Variants in DNAH5 observed in about 807,000 individuals in gnomAD.
The protein encoded by DNAH5 is axonemal beta dynein heavy chain 5.
A neutral mutation model predicts 518.2 loss-of-function variants in DNAH5; 372 were observed. The ratio of observed to expected loss-of-function variants is 0.72; its 90% CI spans 0.66 to 0.78. DNAH5 has a LOEUF of 0.78. DNAH5 is among the 30% of genes least tolerant of loss of function. The pLI is 0.00. For synonymous variants in DNAH5, 2,039 were observed against 2,025.9 expected (o/e 1.01, Z -0.17); for missense variants, 5,523 against 5,687.0 (o/e 0.97, Z 0.93).
In DNAH5 at chr5:13,754,356, C is replaced by T. The variant is rs771330498; in HGVS notation, c.10420-18G>A. 4.3e-6 allele frequency: 7 copies of T among 1,613,980 alleles called. No individual in the cohort carries two copies. The South Asian group carries it at 7.7e-5, about 18-fold the overall frequency. The stretch of plus-strand genomic sequence containing the variant: ...AGCAAGGTCTAACAAAGGTCATAAT[C>T]ACAAGAAAGCTTTTACTGAAATAAA... On this transcript the variant is annotated intron_variant, in intron 61 of 78. Transcript: ENST00000265104.
chr5:13,759,922 G>C (rs1235308363), intron 60 of DNAH5, among the ~76,000 whole-genome samples: 1 of 152,036 alleles, frequency 6.6e-6, no homozygotes, highest in Non-Finnish European at 1.5e-5. Context: ...CAAAACTTCA[G>C]GCTTCCAAAT....
intron 1 of DNAH5, among the ~76,000 whole-genome samples, chr5:13,955,850 G>A (rs1170661002): frequency 6.6e-6 from 1 of 152,138 alleles, no homozygotes; most frequent in Non-Finnish European, 1.5e-5. Flanking sequence ...CTCTGGTAGA[G>A]ATTAAACCTT....
chr5:13,914,452 A>C (rs1337798780), intron 10 of DNAH5, 68 bp downstream of exon 10: 56 of 1,532,328 alleles, frequency 3.7e-5, no homozygotes, highest in Non-Finnish European at 4.9e-5. Context: ...TTACAAAATG[A>C]TTTAAGATGG....
intron 1 of DNAH5, among the ~76,000 whole-genome samples, chr5:13,933,500 C>A (rs1778619146): frequency 6.6e-6 from 1 of 152,054 alleles, no homozygotes; most frequent in Non-Finnish European, 1.5e-5. Flanking sequence ...ATAAAGAAAG[C>A]TAAGGATGAG....
chr5:13,985,428 AAAATATATATAT>A (rs1389487505), intron 1 of DNAH5, among the ~76,000 whole-genome samples: 14 of 55,364 alleles, frequency 2.5e-4, no homozygotes, highest in East Asian at 1.0e-3. Flanking sequence ...AAAGTATAAT[AAAATATATATAT>A]ATATATATAT....
chr5:13,765,765 T>TATACA (rs1398566264), intron 59 of DNAH5, among the ~76,000 whole-genome samples: 1 of 152,214 alleles, frequency 6.6e-6, no homozygotes, highest in Non-Finnish European at 1.5e-5. Context: ...TTTATTGAAG[T>TATACA]ATACATAACA....
chr5:13,708,794 T>TC (rs1355102125), intron 75 of DNAH5, among the ~76,000 whole-genome samples: 1 of 152,116 alleles, frequency 6.6e-6, no homozygotes, highest in African/African-American at 2.4e-5. Context: ...CATCCATCCA[T>TC]CCCCCCAACC....
rs557120654 is a variant in DNAH5, at chr5:13,712,641, C to T, written c.13125+1764G>A. Among the ~76,000 whole-genome samples the T allele has an allele frequency of 7.2e-5, 11 of 152,048 alleles. No homozygotes were observed. In the South Asian group the frequency reaches 2.1e-3, roughly 29 times the overall value. On this transcript the variant is annotated intron_variant, in intron 75 of 78. Transcript: ENST00000265104. Reference sequence around the variant, plus strand: ...ATCAGTAAGAAAAAAACAAACAATCCCATCCAAAAGTGGGCTAAGCATATG... The same window carrying T: ...ATCAGTAAGAAAAAAACAAACAATCTCATCCAAAAGTGGGCTAAGCATATG...
intron 18 of DNAH5, 93 bp downstream of exon 18, chr5:13,885,871 A>C (rs1181089252): frequency 1.7e-6 from 2 of 1,150,700 alleles, no homozygotes; most frequent in Non-Finnish European, 2.6e-6. Flanking sequence ...ATGTTTATAG[A>C]AGTATGAAAT....
chr5:13,994,365 G>C (rs895157305), intron 1 of DNAH5, among the ~76,000 whole-genome samples: 13 of 152,274 alleles, frequency 8.5e-5, no homozygotes, highest in African/African-American at 3.1e-4. Flanking sequence ...TGACCTAGAA[G>C]AGTACGATCA....
intron 1 of DNAH5, among the ~76,000 whole-genome samples, chr5:14,003,111 T>C (rs1198425089): frequency 6.6e-6 from 1 of 152,232 alleles, no homozygotes. Flanking sequence ...ATAATAGAAA[T>C]ACATCATTCT....
rs775939948 is a variant in DNAH5 at position 13,901,534 on chromosome 5, T to C, written c.1770A>G (p.Gln590=). 5 of 1,613,596 alleles carry C rather than the reference T, an allele frequency of 3.1e-6. No homozygotes were observed. The highest frequency in any genetic ancestry group is 4.2e-6 in the Non-Finnish European group (5 of 1,179,900). The change falls in exon 14 of 79, where the codon CAA becomes CAG. Residue 590 remains glutamine (Q), a synonymous_variant. Transcript: ENST00000265104. ...IPNLGIDDKY[Q]LILENYGADI... is the part of the protein sequence containing the mutation. ...CAGCCCCATAGTTCTCAAGGATAAG[T>C]TGATATTTGTCATCAATACCAAGAT...
chr5:13,731,414 C>T (rs771221789), intron 68 of DNAH5, among the ~76,000 whole-genome samples: 5 of 151,972 alleles, frequency 3.3e-5, no homozygotes, highest in Non-Finnish European at 5.9e-5. Flanking sequence ...GTGTTCCTCG[C>T]GGGCCAGAGT....
rs1358311606 is a variant in DNAH5, at chr5:13,814,643, T to G, written c.7192A>C (p.Met2398Leu). Reference protein sequence around the residue: ...ATVSRNGMVFMSSSILDWSPI... With the variant: ...ATVSRNGMVFLSSSILDWSPI... ...CTCCAATCAAGGATAGAAGAGCTCA[T>G]GAAAACCATTCCATTTCTTGAGACG... Residue 2398 changes from methionine to leucine, a missense_variant, in exon 43 of 79, where the codon ATG (methionine) becomes CTG (leucine). Coordinates refer to ENST00000265104, the MANE Select transcript of DNAH5 (RefSeq NM_001369.3). 6.2e-7 allele frequency: 1 copy of G among 1,613,976 alleles called. No homozygotes were observed. The highest frequency in any genetic ancestry group is 8.5e-7 in the Non-Finnish European group (1 of 1,179,816).
intron 1 of DNAH5, among the ~76,000 whole-genome samples, chr5:13,986,351 C>T (rs1466319616): frequency 1.3e-5 from 2 of 152,200 alleles, no homozygotes; most frequent in Non-Finnish European, 2.9e-5. Flanking sequence ...TAGACCACTT[C>T]AAGTCATTCC....
At chr5:13,904,223 A>T (rs1244101726) in intron 12 of DNAH5, among the ~76,000 whole-genome samples, 1 of 151,140 alleles carries the variant, frequency 6.6e-6, no homozygotes, top group Non-Finnish European at 1.5e-5. Context: ...CTCACTTAAA[A>T]TTCAAAATAG....
At chr5:13,972,653 C>T (rs550734401) in intron 1 of DNAH5, among the ~76,000 whole-genome samples, 26 of 152,336 alleles carry the variant, frequency 1.7e-4, no homozygotes, top group Admixed American at 1.5e-3. Context: ...GACTTTCCCC[C>T]TCTCACACTT....
At position 13,944,475 on chromosome 5, in the gene DNAH5, C is replaced by T. The variant is rs201429376; in HGVS notation, c.-37G>A. On this transcript the variant is annotated 5_prime_UTR_variant, in exon 1 of 79. Transcript: ENST00000265104. ...ATGGACAGGCTGGAGTCAGCTCTTCCGGAATGGTCTTCTAACTCCTGGCAG... is the reference window on the plus strand; with the variant it reads ...ATGGACAGGCTGGAGTCAGCTCTTCTGGAATGGTCTTCTAACTCCTGGCAG... 150 of 1,599,428 alleles carry T rather than the reference C, an allele frequency of 9.4e-5. No homozygotes were observed. The African/African-American group carries it at 1.7e-3, about 18-fold the overall frequency.
intron 1 of DNAH5, among the ~76,000 whole-genome samples, chr5:13,954,693 CTCGAA>C (rs1276518126): frequency 6.6e-6 from 1 of 152,212 alleles, no homozygotes; most frequent in Non-Finnish European, 1.5e-5. Context: ...AGGGTTAACA[CTCGAA>C]TCTGTTCCAA....
Sources: gnomAD v4.1 joint callset for allele counts (sites outside exome capture counted in the v4.1 genomes callset) on GRCh38, gnomAD v4.1.1 for gene constraint, MANE v1.5 for transcripts, NCBI Gene and HGNC (gene_info 2026-07-23, HGNC 2026-07-21) for gene names.